The following COPG2 variants were observed in gnomAD, a reference collection of about 807,000 sequenced individuals.
The protein encoded by COPG2 is coatomer subunit gamma-2.
Under a neutral mutation model 46.3 loss-of-function variants are expected in COPG2, and 37 were observed. The observed-to-expected ratio is 0.80, with a 90% CI of 0.61 to 1.05. The LOEUF is 1.05. Among genes scored for constraint, COPG2 ranks in the 50% least tolerant of loss-of-function variants. COPG2 has a pLI of 0.00. For missense variants in COPG2, 427 were observed against 387.8 expected (o/e 1.10, Z -0.85); for synonymous variants, 159 against 129.7 (o/e 1.23, Z -1.53).
chr7:130,627,449 G>A (rs965339453), intron 5 of COPG2, among the ~76,000 whole-genome samples: 1 of 152,150 alleles, frequency 6.6e-6, no homozygotes, highest in African/African-American at 2.4e-5. Flanking sequence ...GCCCTCTTCA[G>A]CACAGCAAGA....
intron 11 of COPG2, among the ~76,000 whole-genome samples, 187 bp from the exon 12 acceptor site, chr7:130,561,408 T>TAG (rs1377011381): frequency 1.3e-5 from 2 of 152,196 alleles, no homozygotes; most frequent in African/African-American, 4.8e-5. Flanking sequence ...GGCCAGAGTA[T>TAG]AGCATCGTAC....
intron 19 of COPG2, 33 bp downstream of exon 19, chr7:130,548,370 A>G (rs1172050583): frequency 2.5e-6 from 1 of 398,420 alleles, no homozygotes; most frequent in Non-Finnish European, 4.4e-6. Flanking sequence ...AGTTTATACT[A>G]AATCTCTACA....
intron 5 of COPG2, among the ~76,000 whole-genome samples, chr7:130,631,810 C>T (rs182076445): frequency 1.6e-4 from 24 of 152,300 alleles, no homozygotes; most frequent in Non-Finnish European, 3.1e-4. Context: ...TGTTTATCTA[C>T]TCAGTTTAAC....
intron 20 of COPG2, among the ~76,000 whole-genome samples, chr7:130,524,620 G>C (rs1799756845): frequency 6.6e-6 from 1 of 152,112 alleles, no homozygotes; most frequent in Non-Finnish European, 1.5e-5. Flanking sequence ...CAAGAGGGAG[G>C]GAGCGGATGC....
intron 20 of COPG2, among the ~76,000 whole-genome samples, chr7:130,513,306 AAAATATATATATATATATATAT>A (rs1168994576): frequency 2.2e-4 from 11 of 49,018 alleles, no homozygotes; most frequent in African/African-American, 9.8e-4. Flanking sequence ...AAAAAAAAAA[AAAATATATATATATATATATAT>A]ATATATATAT....
chr7:130,584,906 T>C (rs1020867235), intron 9 of COPG2, among the ~76,000 whole-genome samples: 3 of 151,840 alleles, frequency 2.0e-5, no homozygotes, highest in African/African-American at 7.3e-5. Flanking sequence ...ACAAATTCAA[T>C]GCAATCCCCA....
intron 5 of COPG2, among the ~76,000 whole-genome samples, chr7:130,619,240 G>A (rs539978398): frequency 5.9e-5 from 9 of 152,240 alleles, no homozygotes; most frequent in African/African-American, 2.2e-4. Flanking sequence ...TAGCTAGTGT[G>A]ACTAATGAAC....
Position 130,513,316 on chromosome 7 carries a change from T to A in COPG2, c.2150-4657A>T, listed in dbSNP as rs1350952384. Reference sequence around the variant, plus strand: ...AAAAAAAAAAAAAAAAAAATATATATATATATATATATATATATATATATA... The same window carrying A: ...AAAAAAAAAAAAAAAAAAATATATAAATATATATATATATATATATATATA... On this transcript the variant is annotated intron_variant, in intron 20 of 23. Coordinates refer to ENST00000425248, the MANE Select transcript of COPG2 (RefSeq NM_012133.6). 6.2e-3 allele frequency among the ~76,000 whole-genome samples: 239 copies of A among 38,742 alleles called. 1 individual carries two copies. The highest frequency in any genetic ancestry group is 0.016 in the South Asian group (16 of 972). 25.4% of individuals were successfully genotyped at this position (38,742 alleles called of 152,430 possible). A position where few individuals can be genotyped will look rare whatever the true frequency, so the allele number is the denominator to read the frequency against.
rs377197452 is a variant in COPG2 at position 130,587,988 on chromosome 7, T to C, written c.737+22965A>G. 1.2e-3 allele frequency among the ~76,000 whole-genome samples: 178 copies of C among 151,966 alleles called. No homozygotes were observed. In the East Asian group the frequency reaches 0.022, roughly 19 times the overall value. On this transcript the variant is annotated intron_variant, in intron 9 of 23. Coordinates refer to ENST00000425248, the MANE Select transcript of COPG2 (RefSeq NM_012133.6). ...ACCCCATCAAAAAGTGGGCGAAGTA[T>C]ATGAACAGACACTTCTCAAAAGAAG...
At chr7:130,558,002 A>C (rs1793659496) in intron 12 of COPG2, among the ~76,000 whole-genome samples, 1 of 151,906 alleles carries the variant, frequency 6.6e-6, no homozygotes, top group South Asian at 2.1e-4. Context: ...TCAAGTACAT[A>C]CGCAACTTTT....
chr7:130,516,215 G>A (rs1799677115), intron 20 of COPG2, among the ~76,000 whole-genome samples: 2 of 152,182 alleles, frequency 1.3e-5, no homozygotes, highest in African/African-American at 4.8e-5. Flanking sequence ...ACTAACTGGA[G>A]GTATTTGGCA....
At chr7:130,610,107 T>G (rs1794816050) in intron 9 of COPG2, 1 of 519,698 alleles carries the variant, frequency 1.9e-6, no homozygotes, top group South Asian at 1.4e-5. Flanking sequence ...GGGTTACATG[T>G]CACTGCCTCT....
chr7:130,523,437 C>T (rs1330602540), intron 20 of COPG2, among the ~76,000 whole-genome samples: 4 of 152,150 alleles, frequency 2.6e-5, no homozygotes, highest in African/African-American at 4.8e-5. Flanking sequence ...CCTGCATCCT[C>T]GGGTGAGAAT....
At chr7:130,613,291 C>T (rs1554452406) in intron 7 of COPG2, among the ~76,000 whole-genome samples, 7 of 152,176 alleles carry the variant, frequency 4.6e-5, no homozygotes, top group Non-Finnish European at 1.0e-4. Flanking sequence ...AGGCGGAGCT[C>T]AGGCAGCAAT....
At chr7:130,599,564 C>T (rs189407826) in intron 9 of COPG2, among the ~76,000 whole-genome samples, 43 of 152,184 alleles carry the variant, frequency 2.8e-4, no homozygotes, top group Admixed American at 2.0e-3. Flanking sequence ...ATGGAACTCT[C>T]TCTTGAGTAT....
intron 20 of COPG2, among the ~76,000 whole-genome samples, chr7:130,515,749 G>A (rs1799673314): frequency 6.6e-6 from 1 of 152,216 alleles, no homozygotes; most frequent in Admixed American, 6.5e-5. Flanking sequence ...AAAGGGAAGG[G>A]ATAAATGAAT....
At chr7:130,650,536 T>G (rs562683709) in intron 5 of COPG2, among the ~76,000 whole-genome samples, 1 of 152,256 alleles carries the variant, frequency 6.6e-6, no homozygotes, top group Non-Finnish European at 1.5e-5. Context: ...GTTTTCTGGG[T>G]TTTTTTGTTC....
intron 16 of COPG2, 113 bp downstream of exon 16, chr7:130,551,128 A>C (rs1793530127): frequency 2.5e-6 from 1 of 394,048 alleles, no homozygotes; most frequent in African/African-American, 2.1e-5. Flanking sequence ...AAGTGCACTC[A>C]AAGACAAAAA....
At chr7:130,509,380 G>T in intron 20 of COPG2, 1 of 457,010 alleles carries the variant, frequency 2.2e-6, no homozygotes, top group East Asian at 6.5e-5. Flanking sequence ...GTTTGAAGGA[G>T]GGGATTTAGC....
Sources: allele counts gnomAD v4.1 joint callset (sites outside exome capture counted in the v4.1 genomes callset), GRCh38; gene constraint gnomAD v4.1.1; transcripts MANE v1.5; gene names NCBI Gene and HGNC (gene_info 2026-07-23, HGNC 2026-07-21).